The following HSD17B4 variants were observed in gnomAD, a reference collection of about 807,000 sequenced individuals.
The protein encoded by HSD17B4 is peroxisomal multifunctional enzyme type 2.
In HSD17B4, 70 loss-of-function variants were observed where a neutral mutation model predicts 101.0. The observed-to-expected ratio is 0.69, with a 90% CI of 0.57 to 0.85. The LOEUF is 0.85. Ranked by LOEUF, HSD17B4 falls within the 40% of genes least tolerant of loss-of-function variation. HSD17B4 has a pLI of 0.00. For synonymous variants in HSD17B4, 347 were observed against 297.1 expected (o/e 1.17, Z -1.73); for missense variants, 984 against 892.4 (o/e 1.10, Z -1.31).
intron 21 of HSD17B4, 181 bp downstream of exon 21, chr5:119,530,161 A>C (rs976466114): frequency 1.7e-5 from 10 of 594,434 alleles, no homozygotes; most frequent in Non-Finnish European, 2.7e-5. Context: ...GCAATTTATG[A>C]ACTTTAAAAA....
intron 22 of HSD17B4, among the ~76,000 whole-genome samples, chr5:119,533,287 G>GCC (rs1554069198): frequency 1.7e-4 from 5 of 29,726 alleles, no homozygotes; most frequent in Admixed American, 3.9e-4. Flanking sequence ...TTGACAGGAT[G>GCC]CCTTTTTTTT....
rs1755047447 is a variant in HSD17B4 at position 119,542,091 on chromosome 5, C to CTA, written c.*97_*98insTA. The CTA allele has an allele frequency of 1.2e-6, 1 of 811,750 alleles. No individual in the cohort carries two copies. Among genetic ancestry groups the CTA allele is most frequent in the African/African-American group, 1.7e-5 (1 of 58,712 alleles). 50.3% of individuals were successfully genotyped at this position (811,750 alleles called of 1,614,324 possible). On this transcript the variant is annotated 3_prime_UTR_variant, in exon 24 of 24. Transcript: ENST00000510025. ...TGCAAAAGTGATTAGAACTAAGATGCAGGGGAAATTGCTTAACATTTTCAG... is the reference window on the plus strand; with the variant it reads ...TGCAAAAGTGATTAGAACTAAGATGCTAAGGGGAAATTGCTTAACATTTTCAG...
chr5:119,462,289 G>A (rs1051988120), intron 2 of HSD17B4, among the ~76,000 whole-genome samples: 4 of 44,960 alleles, frequency 8.9e-5, no homozygotes, highest in Non-Finnish European at 2.0e-4. Flanking sequence ...TTTTTGCTTA[G>A]TGGAACTAAT....
intron 13 of HSD17B4, 60 bp downstream of exon 13, chr5:119,499,613 T>A: frequency 8.7e-6 from 8 of 915,380 alleles, no homozygotes; most frequent in Non-Finnish European, 1.5e-5. Flanking sequence ...TATTCATTAA[T>A]GTCATATCTT....
intron 2 of HSD17B4, chr5:119,472,683 C>T (rs1051642499): frequency 1.3e-5 from 2 of 152,248 alleles, no homozygotes; most frequent in African/African-American, 4.8e-5. Flanking sequence ...ATCCACCCGC[C>T]TCGACCTCCC....
At chr5:119,471,916 A>G (rs1284268650) in intron 2 of HSD17B4, among the ~76,000 whole-genome samples, 3 of 152,196 alleles carry the variant, frequency 2.0e-5, no homozygotes, top group African/African-American at 7.2e-5. Context: ...TCAATAGATT[A>G]TAAACTCTTT....
At chr5:119,508,247 G>A (rs1413556981) in intron 15 of HSD17B4, among the ~76,000 whole-genome samples, 1 of 149,168 alleles carries the variant, frequency 6.7e-6, no homozygotes, top group East Asian at 2.0e-4. Flanking sequence ...AAAAAGTCCT[G>A]CCGAAACCTT....
intron 23 of HSD17B4, among the ~76,000 whole-genome samples, chr5:119,541,415 G>A (rs1754981987): frequency 6.6e-6 from 1 of 152,156 alleles, no homozygotes; most frequent in African/African-American, 2.4e-5. Context: ...GCACAGCCTG[G>A]ATTTTAACTC....
chr5:119,519,633 G>T (rs1036101891), intron 17 of HSD17B4, among the ~76,000 whole-genome samples: 8 of 152,184 alleles, frequency 5.3e-5, no homozygotes, highest in African/African-American at 1.9e-4. Flanking sequence ...TGTTTTAGAT[G>T]CAGAGACTGA....
At chr5:119,509,869 A>G (rs1398945687) in intron 16 of HSD17B4, among the ~76,000 whole-genome samples, 1 of 152,248 alleles carries the variant, frequency 6.6e-6, no homozygotes, top group Non-Finnish European at 1.5e-5. Context: ...ATAATGCAGA[A>G]TATAATAACA....
At chr5:119,466,990 GTTTCAAGAAATGT>G (rs1755878097) in intron 2 of HSD17B4, among the ~76,000 whole-genome samples, 1 of 151,966 alleles carries the variant, frequency 6.6e-6, no homozygotes, top group Non-Finnish European at 1.5e-5. Context: ...ATTTTCATTT[GTTTCAAGAAATGT>G]TTACATTTTC....
Position 119,461,072 on chromosome 5 carries a change from G to C in HSD17B4, c.112+4704G>C, listed in dbSNP as rs115569757. ...AAGGCCAGATCACATAGGACCTTTAGTTCAGAGTAAGGACTAACTTTTACC... is the reference window on the plus strand; with the variant it reads ...AAGGCCAGATCACATAGGACCTTTACTTCAGAGTAAGGACTAACTTTTACC... On this transcript the variant is annotated intron_variant, in intron 2 of 23. Transcript: ENST00000510025. 4.5e-3 allele frequency among the ~76,000 whole-genome samples: 691 copies of C among 152,272 alleles called. 2 individuals are homozygous for C. Among genetic ancestry groups the C allele is most frequent in the African/African-American group, 0.016 (667 of 41,548 alleles).
chr5:119,515,596 T>A (rs1281395966), intron 17 of HSD17B4, among the ~76,000 whole-genome samples: 1 of 152,184 alleles, frequency 6.6e-6, no homozygotes, highest in East Asian at 1.9e-4. Flanking sequence ...TCCTGTCAGT[T>A]CACAAATTCT....
At chr5:119,479,172 A>C (rs1211491634) in intron 8 of HSD17B4, 151 bp downstream of exon 8, 6 of 614,804 alleles carry the variant, frequency 9.8e-6, no homozygotes, top group Admixed American at 3.0e-5. Context: ...CATTGTGGAA[A>C]ATTTAGAAAA....
chr5:119,539,232 C>T (rs1222671653), intron 23 of HSD17B4, among the ~76,000 whole-genome samples: 1 of 152,050 alleles, frequency 6.6e-6, no homozygotes, highest in African/African-American at 2.4e-5. Context: ...GTGGCACATA[C>T]ACACCATAGA....
At position 119,475,807 on chromosome 5, in the gene HSD17B4, C is replaced by G. The variant is rs764289044; in HGVS notation, c.303-17C>G. On this transcript the variant is annotated splice_polypyrimidine_tract_variant and intron_variant, in intron 5 of 23. Coordinates refer to ENST00000510025, the MANE Select transcript of HSD17B4 (RefSeq NM_000414.4). ...TATACTTTCCTCCTTTTACCCTATACAACATTGATTTTTTAGAATTCTGAG... is the reference window on the plus strand; with the variant it reads ...TATACTTTCCTCCTTTTACCCTATAGAACATTGATTTTTTAGAATTCTGAG... 2.5e-6 allele frequency: 4 copies of G among 1,593,194 alleles called. No homozygotes were observed. Among genetic ancestry groups the G allele is most frequent in the Non-Finnish European group, 3.4e-6 (4 of 1,161,202 alleles).
chr5:119,454,976 A>G (rs893010904), intron 1 of HSD17B4, among the ~76,000 whole-genome samples: 3 of 152,198 alleles, frequency 2.0e-5, no homozygotes, highest in African/African-American at 4.8e-5. Flanking sequence ...TGTTATTTGT[A>G]TACTTATTGA....
intron 21 of HSD17B4, among the ~76,000 whole-genome samples, chr5:119,531,039 T>G (rs1470098403): frequency 6.6e-6 from 1 of 152,024 alleles, no homozygotes; most frequent in Admixed American, 6.6e-5. Context: ...ATTTTTCTTT[T>G]AAAATATTAT....
chr5:119,477,621 A>G lies in HSD17B4; in HGVS notation c.434+120A>G, dbSNP rs463513. On this transcript the variant is annotated intron_variant, in intron 7 of 23. Coordinates refer to ENST00000510025, the MANE Select transcript of HSD17B4 (RefSeq NM_000414.4). ...TTTATGACATTGAGGAATATGTACA[A>G]CCTTTTAACATATGGTTTTGGCACA... The G allele has an allele frequency of 0.53, 408,299 of 772,406 alleles. 112,033 individuals are homozygous for G. The highest frequency in any genetic ancestry group is 0.93 in the East Asian group (36,592 of 39,200). 47.8% of individuals were successfully genotyped at this position (772,406 alleles called of 1,614,324 possible).
Sources: allele counts gnomAD v4.1 joint callset (sites outside exome capture counted in the v4.1 genomes callset), GRCh38; gene constraint gnomAD v4.1.1; transcripts MANE v1.5; gene names NCBI Gene and HGNC (gene_info 2026-07-23, HGNC 2026-07-21).